Variants in CHCHD3 observed in about 807,000 individuals in gnomAD.
The protein encoded by CHCHD3 is MICOS complex subunit MIC19.
Under a neutral mutation model 38.2 loss-of-function variants are expected in CHCHD3, and 20 were observed. That is an observed-to-expected ratio of 0.52 (90% CI 0.37 to 0.76). The LOEUF (loss-of-function observed/expected upper bound fraction) is 0.76, where lower values mean the gene tolerates loss of function less well. CHCHD3 is among the 30% of genes least tolerant of loss of function. The pLI is 0.00. For missense variants in CHCHD3, 245 were observed against 279.2 expected, an observed-to-expected ratio of 0.88 and a Z score of 0.87; for synonymous variants, 82 against 100.0, an observed-to-expected ratio of 0.82 and a Z score of 1.07.
At chr7:132,903,359 C>A (rs190636086) in intron 4 of CHCHD3, among the ~76,000 whole-genome samples, 112 of 151,964 alleles carry the variant, frequency 7.4e-4, no homozygotes, top group Admixed American at 7.3e-3. Context: ...TATTTTCAAT[C>A]CTTGGTTGGT....
intron 7 of CHCHD3, among the ~76,000 whole-genome samples, chr7:132,790,443 G>C (rs1373967354): frequency 1.3e-5 from 2 of 152,176 alleles, no homozygotes; most frequent in African/African-American, 4.8e-5. Context: ...TCAGAAAGTG[G>C]TTTAGAAAAG....
At chr7:133,034,469 T>C (rs1813592437) in intron 2 of CHCHD3, 2 of 762,644 alleles carry the variant, frequency 2.6e-6, no homozygotes, top group Admixed American at 6.2e-5. Context: ...AAAATGCATC[T>C]ATAATTCTTT....
chr7:132,952,188 A>G (rs78136188), intron 4 of CHCHD3, among the ~76,000 whole-genome samples: 3,138 of 152,334 alleles, frequency 0.021, 82 homozygotes, highest in South Asian at 0.12. Context: ...GGAGAATGAC[A>G]TCTTGCCTCT....
chr7:132,973,040 T>C (rs1811650664), intron 4 of CHCHD3: 1 of 985,282 alleles, frequency 1.0e-6, no homozygotes. Context: ...TTTCACATTT[T>C]TTTGTGAAAT....
chr7:132,970,003 G>A (rs1393895274), intron 4 of CHCHD3, among the ~76,000 whole-genome samples: 2 of 152,144 alleles, frequency 1.3e-5, no homozygotes, highest in Non-Finnish European at 2.9e-5. Context: ...GAGACCACAA[G>A]ACTGACAAAG....
At chr7:132,864,287 C>G (rs1388664183) in intron 5 of CHCHD3, among the ~76,000 whole-genome samples, 1 of 152,078 alleles carries the variant, frequency 6.6e-6, no homozygotes, top group Non-Finnish European at 1.5e-5. Context: ...GGAGGCCTCT[C>G]AGGGGAGGGA....
At chr7:132,805,654 C>T (rs906275911) in intron 6 of CHCHD3, among the ~76,000 whole-genome samples, 6 of 152,146 alleles carry the variant, frequency 3.9e-5, no homozygotes, top group East Asian at 1.9e-4. Context: ...CTTGAGAAGG[C>T]GGATCCAGTG....
At chr7:132,854,897 G>A (rs1028358862) in intron 5 of CHCHD3, among the ~76,000 whole-genome samples, 10 of 152,170 alleles carry the variant, frequency 6.6e-5, no homozygotes, top group African/African-American at 2.4e-4. Context: ...TTCTAACAGG[G>A]CAAGAGTTGA....
chr7:132,910,409 T>C (rs1306828093), intron 4 of CHCHD3, among the ~76,000 whole-genome samples: 1 of 152,238 alleles, frequency 6.6e-6, no homozygotes, highest in Non-Finnish European at 1.5e-5. Flanking sequence ...CAGACACAAG[T>C]AGGTTTAACT....
chr7:132,985,580 C>T (rs1394209467), intron 3 of CHCHD3, among the ~76,000 whole-genome samples: 2 of 87,236 alleles, frequency 2.3e-5, no homozygotes, highest in African/African-American at 9.0e-5. Context: ...CCCGGCCAGC[C>T]GCCCCATCCG....
chr7:132,807,181 T>G (rs933433050), intron 6 of CHCHD3, among the ~76,000 whole-genome samples: 2 of 152,136 alleles, frequency 1.3e-5, no homozygotes, highest in South Asian at 2.1e-4. Context: ...AGACGGAGTA[T>G]GAACTTGGGG....
At chr7:133,068,601 A>G (rs896760461) in intron 2 of CHCHD3, among the ~76,000 whole-genome samples, 2 of 152,178 alleles carry the variant, frequency 1.3e-5, no homozygotes, top group African/African-American at 4.8e-5. Flanking sequence ...CACAGGGGGA[A>G]AGAGTGAAGC....
rs558414657 is a variant in CHCHD3, at chr7:133,078,137, C to T, written c.81+3720G>A. Among the ~76,000 whole-genome samples the T allele has an allele frequency of 3.3e-5, 5 of 151,926 alleles. No homozygotes were observed. In the South Asian group the frequency reaches 8.3e-4, roughly 25 times the overall value. On this transcript the variant is annotated intron_variant, in intron 1 of 7. Transcript: ENST00000262570. ...AGCCTGGCCAACATGGTGAAACCCC[C>T]CTCTACTAAACATACAAAAAAGTTA... is the stretch of plus-strand genomic sequence containing the variant.
chr7:132,807,537 C>T (rs1806954889), intron 6 of CHCHD3, among the ~76,000 whole-genome samples: 1 of 148,686 alleles, frequency 6.7e-6, no homozygotes, highest in African/African-American at 2.5e-5. Flanking sequence ...ATTACTTATT[C>T]TGCATGAGCT....
At chr7:132,948,674 T>C (rs1810961758) in intron 4 of CHCHD3, among the ~76,000 whole-genome samples, 1 of 152,134 alleles carries the variant, frequency 6.6e-6, no homozygotes, top group African/African-American at 2.4e-5. Context: ...TATCAATGGC[T>C]TTTTAAGATA....
chr7:132,976,950 A>T (rs951891592), intron 3 of CHCHD3, among the ~76,000 whole-genome samples: 1 of 152,220 alleles, frequency 6.6e-6, no homozygotes, highest in African/African-American at 2.4e-5. Context: ...AAAAAAGAGG[A>T]CTAGAAACAA....
At chr7:132,822,075 A>G (rs552391339) in intron 6 of CHCHD3, among the ~76,000 whole-genome samples, 4 of 152,316 alleles carry the variant, frequency 2.6e-5, no homozygotes, top group Admixed American at 6.5e-5. Flanking sequence ...TTTTCTTTGC[A>G]TCATCAAGTT....
chr7:132,875,608 C>A (rs750621616), intron 5 of CHCHD3, among the ~76,000 whole-genome samples: 1 of 152,194 alleles, frequency 6.6e-6, no homozygotes, highest in Non-Finnish European at 1.5e-5. Context: ...GGGCCCATTG[C>A]GCCACTGTGT....
intron 6 of CHCHD3, among the ~76,000 whole-genome samples, chr7:132,825,157 G>A (rs879463414): frequency 3.9e-5 from 6 of 152,172 alleles, no homozygotes; most frequent in Admixed American, 6.5e-5. Flanking sequence ...ATAGAACATG[G>A]AACATCAAAG....
Sources: gnomAD v4.1 joint callset for allele counts (sites outside exome capture counted in the v4.1 genomes callset) on GRCh38, gnomAD v4.1.1 for gene constraint, MANE v1.5 for transcripts, NCBI Gene and HGNC (gene_info 2026-07-23, HGNC 2026-07-21) for gene names.